The following INPP4B variants were observed in gnomAD, a reference collection of about 807,000 sequenced individuals.
INPP4B encodes inositol polyphosphate 4-phosphatase type II.
Under a neutral mutation model 122.5 loss-of-function variants are expected in INPP4B, and 55 were observed. The observed-to-expected ratio is 0.45, with a 90% CI of 0.36 to 0.56. The LOEUF (loss-of-function observed/expected upper bound fraction) is 0.56, where lower values mean the gene tolerates loss of function less well. Among genes scored for constraint, INPP4B ranks in the 20% least tolerant of loss-of-function variants. The pLI is 0.00. For synonymous variants in INPP4B, 403 were observed against 388.7 expected (o/e 1.04, Z -0.43); for missense variants, 1,000 against 1,097.7 (o/e 0.91, Z 1.26).
chr4:142,740,771 C>A (rs1767786010), intron 1 of INPP4B, among the ~76,000 whole-genome samples: 1 of 151,984 alleles, frequency 6.6e-6, no homozygotes, highest in African/African-American at 2.4e-5. Context: ...AAAAGGAATT[C>A]TTCTAAAAAT....
In INPP4B at chr4:142,124,258, T is replaced by A. The variant is rs138499644; in HGVS notation, c.1893+330A>T. Among the ~76,000 whole-genome samples the A allele has an allele frequency of 1.8e-3, 280 of 152,248 alleles. 2 individuals carry two copies. The highest frequency in any genetic ancestry group is 4.1e-3 in the African/African-American group (172 of 41,564). ...CCTAGCTTGTCACCTGGAGTGCAAGTCAACAGTCCCTTCCCTTACACTTAT... is the reference window on the plus strand; with the variant it reads ...CCTAGCTTGTCACCTGGAGTGCAAGACAACAGTCCCTTCCCTTACACTTAT... On this transcript the variant is annotated intron_variant, in intron 19 of 25. Transcript: ENST00000262992.
intron 1 of INPP4B, among the ~76,000 whole-genome samples, chr4:142,793,205 T>G (rs1481790893): frequency 6.6e-6 from 1 of 152,132 alleles, no homozygotes; most frequent in African/African-American, 2.4e-5. Context: ...GAAGTGGAAC[T>G]TCGTGAAGAA....
chr4:142,050,294 A>G (rs1191136486), intron 25 of INPP4B, among the ~76,000 whole-genome samples: 1 of 152,028 alleles, frequency 6.6e-6, no homozygotes, highest in African/African-American at 2.4e-5. Context: ...GCTAAAATTT[A>G]CCAGGTTTCT....
chr4:142,696,697 C>T (rs1260815243), intron 2 of INPP4B, among the ~76,000 whole-genome samples: 2 of 152,172 alleles, frequency 1.3e-5, no homozygotes, highest in African/African-American at 4.8e-5. Flanking sequence ...CAAAACCAGG[C>T]ACTACACAGC....
intron 9 of INPP4B, among the ~76,000 whole-genome samples, chr4:142,279,656 A>G (rs1750256742): frequency 1.3e-5 from 2 of 151,926 alleles, no homozygotes; most frequent in African/African-American, 4.8e-5. Flanking sequence ...AAAGTGACCC[A>G]GGAAAAAATT....
At chr4:142,803,423 GTTCT>G (rs1390112421) in intron 1 of INPP4B, among the ~76,000 whole-genome samples, 1 of 151,258 alleles carries the variant, frequency 6.6e-6, no homozygotes, top group African/African-American at 2.4e-5. Context: ...ATCATTTTTA[GTTCT>G]TTATTTCCTT....
chr4:142,212,706 C>A (rs1034455785), intron 12 of INPP4B, among the ~76,000 whole-genome samples: 38 of 152,262 alleles, frequency 2.5e-4, no homozygotes, highest in African/African-American at 9.1e-4. Context: ...CAGAACAGCA[C>A]TGCTCCCCTG....
chr4:142,600,092 C>A lies in INPP4B; in HGVS notation c.-191+125747G>T, dbSNP rs997859457. 2.0e-5 allele frequency among the ~76,000 whole-genome samples: 3 copies of A among 152,086 alleles called. No homozygotes were observed. In the East Asian group the frequency reaches 5.8e-4, roughly 29 times the overall value. On this transcript the variant is annotated intron_variant, in intron 2 of 25. Transcript: ENST00000262992. ...AGCAAAGAGAGAAGGGTTCAAAAAACTATTCAACAACATAATAGAAGATAA... is the reference window on the plus strand; with the variant it reads ...AGCAAAGAGAGAAGGGTTCAAAAAAATATTCAACAACATAATAGAAGATAA...
At chr4:142,474,833 G>C (rs1005482744) in intron 2 of INPP4B, among the ~76,000 whole-genome samples, 2 of 152,192 alleles carry the variant, frequency 1.3e-5, no homozygotes, top group Non-Finnish European at 2.9e-5. Context: ...ACACCTGCTA[G>C]AGCTTCCAGC....
chr4:142,195,195 C>T (rs1837626129), intron 14 of INPP4B, among the ~76,000 whole-genome samples: 1 of 152,122 alleles, frequency 6.6e-6, no homozygotes, highest in Non-Finnish European at 1.5e-5. Context: ...AAGCCAGTTC[C>T]AGGACAAACA....
intron 2 of INPP4B, among the ~76,000 whole-genome samples, chr4:142,584,074 C>A (rs1407161553): frequency 6.6e-6 from 1 of 151,884 alleles, no homozygotes. Flanking sequence ...ATTCTATATG[C>A]CCTGTACTCT....
At chr4:142,364,080 T>C (rs1786509444) in intron 7 of INPP4B, among the ~76,000 whole-genome samples, 1 of 152,058 alleles carries the variant, frequency 6.6e-6, no homozygotes, top group Non-Finnish European at 1.5e-5. Context: ...TTTTCCTTTC[T>C]AACATCTCTC....
intron 18 of INPP4B, among the ~76,000 whole-genome samples, chr4:142,141,097 A>G (rs1375554957): frequency 6.6e-6 from 1 of 152,206 alleles, no homozygotes; most frequent in Non-Finnish European, 1.5e-5. Context: ...GGTTGCTTTC[A>G]GATACACCTT....
chr4:142,094,314 T>C (rs1171290661), intron 23 of INPP4B, among the ~76,000 whole-genome samples: 1 of 152,184 alleles, frequency 6.6e-6, no homozygotes, highest in Admixed American at 6.5e-5. Flanking sequence ...TTGCCCATAC[T>C]CAAGTGGCCT....
intron 1 of INPP4B, among the ~76,000 whole-genome samples, chr4:142,739,843 C>T (rs1044555881): frequency 3.9e-5 from 6 of 151,960 alleles, no homozygotes; most frequent in African/African-American, 1.4e-4. Flanking sequence ...TTTATTGAGC[C>T]TTTGCTCAAA....
At chr4:142,332,769 C>A (rs1310960789) in intron 7 of INPP4B, among the ~76,000 whole-genome samples, 1 of 150,932 alleles carries the variant, frequency 6.6e-6, no homozygotes, top group East Asian at 2.0e-4. Context: ...CTTTGGGAGG[C>A]CAAGAAGGGC....
chr4:142,051,281 G>A (rs1040226701), intron 25 of INPP4B, among the ~76,000 whole-genome samples: 4 of 151,840 alleles, frequency 2.6e-5, no homozygotes, highest in Non-Finnish European at 5.9e-5. Context: ...ATCATCTACT[G>A]GCTAAAATTC....
intron 25 of INPP4B, among the ~76,000 whole-genome samples, chr4:142,068,601 G>C (rs1765071941): frequency 6.6e-6 from 1 of 152,098 alleles, no homozygotes; most frequent in Non-Finnish European, 1.5e-5. Context: ...CACGTGCAGA[G>C]ACACACATAG....
chr4:142,239,308 T>C (rs182701871), intron 11 of INPP4B, among the ~76,000 whole-genome samples: 5 of 152,120 alleles, frequency 3.3e-5, no homozygotes, highest in Non-Finnish European at 7.4e-5. Flanking sequence ...TGTACATGCG[T>C]CCTGCCAAGA....
Sources: gnomAD v4.1 joint callset for allele counts (sites outside exome capture counted in the v4.1 genomes callset) on GRCh38, gnomAD v4.1.1 for gene constraint, MANE v1.5 for transcripts, NCBI Gene and HGNC (gene_info 2026-07-23, HGNC 2026-07-21) for gene names.